Variants in DRC2 observed in about 807,000 individuals in gnomAD.
The protein encoded by DRC2 is coiled-coil domain containing 65.
the DRC2 span, chr12:48,914,310 T>C: frequency 3.9e-6 from 5 of 1,278,876 alleles, no homozygotes; most frequent in Admixed American, 2.3e-5. Context: ...GAATTGGCAT[T>C]AGGAACAAAG....
chr12:48,904,138 C>T, the DRC2 span: 7 of 625,530 alleles, frequency 1.1e-5, no homozygotes, highest in Non-Finnish European at 1.6e-5. Flanking sequence ...AGACTAGACG[C>T]GTCTTACAGT....
At chr12:48,909,782 T>C in the DRC2 span, among the ~76,000 whole-genome samples, 1 of 150,490 alleles carries the variant, frequency 6.6e-6, no homozygotes, top group Admixed American at 6.6e-5. Context: ...CAGCCTCTTT[T>C]TTTTTTTTTT....
the DRC2 span, chr12:48,914,491 C>G: frequency 6.2e-7 from 1 of 1,614,206 alleles, no homozygotes; most frequent in Non-Finnish European, 8.5e-7. Flanking sequence ...GCTCTTGGCC[C>G]TGCAGAGGCA....
the DRC2 span, among the ~76,000 whole-genome samples, chr12:48,919,784 G>A: frequency 6.6e-6 from 1 of 152,118 alleles, no homozygotes; most frequent in Non-Finnish European, 1.5e-5. Context: ...CTCAAGTGCT[G>A]GGATTACAGG....
At chr12:48,908,406 C>T in the DRC2 span, among the ~76,000 whole-genome samples, 2 of 151,924 alleles carry the variant, frequency 1.3e-5, no homozygotes, top group African/African-American at 2.4e-5. Context: ...TTGTATAAGT[C>T]GTCTACTTTA....
At chr12:48,906,890 C>G in the DRC2 span, among the ~76,000 whole-genome samples, 1 of 151,094 alleles carries the variant, frequency 6.6e-6, no homozygotes, top group African/African-American at 2.4e-5. Flanking sequence ...TTTTAAGAGG[C>G]TTTTTCAGAC....
the DRC2 span, among the ~76,000 whole-genome samples, chr12:48,911,850 TACTC>T: frequency 6.6e-6 from 1 of 152,130 alleles, no homozygotes; most frequent in Non-Finnish European, 1.5e-5. Flanking sequence ...TCTATTCAAT[TACTC>T]AGAGCTATAT....
the DRC2 span, among the ~76,000 whole-genome samples, chr12:48,907,167 A>G: frequency 6.6e-6 from 1 of 152,098 alleles, no homozygotes; most frequent in Non-Finnish European, 1.5e-5. Flanking sequence ...GTGAGCAGAG[A>G]TTGTGCCACT....
At chr12:48,914,402 A>C in the DRC2 span, 4 of 1,598,438 alleles carry the variant, frequency 2.5e-6, no homozygotes, top group African/African-American at 4.0e-5. Context: ...TTTCTGGCCT[A>C]GTCTTTAGCT....
the DRC2 span, among the ~76,000 whole-genome samples, chr12:48,912,485 G>A: frequency 7.3e-6 from 1 of 136,264 alleles, no homozygotes; most frequent in Admixed American, 7.6e-5. Context: ...GCTTCTCACA[G>A]CATGACTGTT....
the DRC2 span, among the ~76,000 whole-genome samples, chr12:48,915,156 C>G: frequency 7.1e-6 from 1 of 140,702 alleles, no homozygotes; most frequent in African/African-American, 2.7e-5. Flanking sequence ...GTGTTTCTCA[C>G]AGAGGGGGAT....
At chr12:48,920,136 A>AT in the DRC2 span, among the ~76,000 whole-genome samples, 1 of 148,904 alleles carries the variant, frequency 6.7e-6, no homozygotes, top group Non-Finnish European at 1.5e-5. Context: ...AAAAAAAAAA[A>AT]AGAATTAATA....
At chr12:48,921,133 C>T in the DRC2 span, 12 of 1,611,256 alleles carry the variant, frequency 7.4e-6, no homozygotes, top group Non-Finnish European at 9.3e-6. Flanking sequence ...TAATGGGTCT[C>T]GCTGCACACC....
At chr12:48,908,604 A>ATTATTATTATTATTTAT in the DRC2 span, among the ~76,000 whole-genome samples, 1 of 110,966 alleles carries the variant, frequency 9.0e-6, no homozygotes, top group Admixed American at 8.3e-5. Flanking sequence ...TATTATTATT[A>ATTATTATTATTATTTAT]TTATTTATTT....
At chr12:48,912,437 C>CAAAAAAA in the DRC2 span, among the ~76,000 whole-genome samples, 25 of 45,356 alleles carry the variant, frequency 5.5e-4, 2 homozygotes, top group African/African-American at 1.4e-3. Flanking sequence ...GACGCCGTCT[C>CAAAAAAA]AAAAAAAAAA....
chr12:48,907,442 T>C, the DRC2 span, among the ~76,000 whole-genome samples: 1 of 152,192 alleles, frequency 6.6e-6, no homozygotes, highest in African/African-American at 2.4e-5. Flanking sequence ...AACTTCTTCC[T>C]ACACAGCAGC....
At chr12:48,912,437 C>CAAAAAAAAAAAAAAAA in the DRC2 span, among the ~76,000 whole-genome samples, 3,164 of 45,242 alleles carry the variant, frequency 0.07, 744 homozygotes, top group Non-Finnish European at 0.081. Context: ...GACGCCGTCT[C>CAAAAAAAAAAAAAAAA]AAAAAAAAAA....
At chr12:48,906,617 G>A in the DRC2 span, among the ~76,000 whole-genome samples, 1 of 151,494 alleles carries the variant, frequency 6.6e-6, no homozygotes, top group East Asian at 2.0e-4. Context: ...CCAGGCTGGA[G>A]TACAGTGGCG....
At chr12:48,912,184 C>T in the DRC2 span, among the ~76,000 whole-genome samples, 1 of 151,996 alleles carries the variant, frequency 6.6e-6, no homozygotes, top group Non-Finnish European at 1.5e-5. Context: ...TCACTTGAAC[C>T]TGTGGGGAGG....
Sources: allele counts gnomAD v4.1 joint callset (sites outside exome capture counted in the v4.1 genomes callset), GRCh38; gene constraint gnomAD v4.1.1; transcripts MANE v1.5; gene names NCBI Gene and HGNC (gene_info 2026-07-23, HGNC 2026-07-21).